The following SHISA9 variants were observed in gnomAD, a reference collection of about 807,000 sequenced individuals.
SHISA9 encodes the protein shisa family member 9, also known as protein shisa-9.
Under a neutral mutation model 38.0 loss-of-function variants are expected in SHISA9, and 13 were observed. The ratio of observed to expected loss-of-function variants is 0.34; its 90% confidence interval spans 0.22 to 0.54. The LOEUF (loss-of-function observed/expected upper bound fraction) is 0.54, where lower values mean the gene tolerates loss of function less well. SHISA9 is among the 20% of genes least tolerant of loss of function. SHISA9 has a pLI of 0.91. For missense variants in SHISA9, 538 were observed against 575.8 expected (o/e 0.93, Z 0.67); for synonymous variants, 275 against 242.0 (o/e 1.14, Z -1.27).
chr16:13,401,601 G>A, the SHISA9 span, among the ~76,000 whole-genome samples: 2 of 152,170 alleles, frequency 1.3e-5, no homozygotes, highest in African/African-American at 4.8e-5. Flanking sequence ...TATAAGAAGA[G>A]AAAGAGACAC....
At chr16:13,294,231 A>G in the SHISA9 span, among the ~76,000 whole-genome samples, 1 of 152,328 alleles carries the variant, frequency 6.6e-6, no homozygotes, top group African/African-American at 2.4e-5. Flanking sequence ...GCTTAAGATA[A>G]CATCTATTAT....
rs1019460905 is a variant in SHISA9 at position 13,006,059 on chromosome 16, C to T, written c.691+89244C>T. ...GGCTACAGATGGGCAGTGAAGCATG[C>T]GCGCACGCACACACACACGCGCACA... On this transcript the variant is annotated intron_variant, in intron 2 of 4. Transcript: ENST00000558583. 2.6e-5 allele frequency among the ~76,000 whole-genome samples: 4 copies of T among 152,130 alleles called. No homozygotes were observed. In the East Asian group the frequency reaches 5.8e-4, roughly 22 times the overall value.
chr16:13,325,694 C>T, the SHISA9 span, among the ~76,000 whole-genome samples: 617 of 152,254 alleles, frequency 4.1e-3, 2 homozygotes, highest in Non-Finnish European at 5.2e-3. Context: ...AAGATGCAAT[C>T]CTTACGCCAT....
At chr16:13,532,548 C>CGTGTGTGT in the SHISA9 span, among the ~76,000 whole-genome samples, 3 of 80,668 alleles carry the variant, frequency 3.7e-5, no homozygotes, top group African/African-American at 5.4e-5. Context: ...ATACTATGTG[C>CGTGTGTGT]GTGTGTGTAT....
intron 2 of SHISA9, among the ~76,000 whole-genome samples, chr16:12,990,674 G>A (rs2072373113): frequency 6.6e-6 from 1 of 152,118 alleles, no homozygotes; most frequent in South Asian, 2.1e-4. Context: ...GATGGGGGGT[G>A]GTGCTATTGG....
the SHISA9 span, among the ~76,000 whole-genome samples, chr16:13,472,454 C>G: frequency 8.6e-6 from 1 of 116,176 alleles, no homozygotes; most frequent in African/African-American, 3.3e-5. Flanking sequence ...TGCCGTGGAA[C>G]AATCTCGGCT....
At chr16:13,477,441 C>G in the SHISA9 span, among the ~76,000 whole-genome samples, 1 of 152,188 alleles carries the variant, frequency 6.6e-6, no homozygotes, top group African/African-American at 2.4e-5. Flanking sequence ...TATAAAATCA[C>G]AGAGGCTTGA....
the SHISA9 span, among the ~76,000 whole-genome samples, chr16:13,251,185 A>G: frequency 6.6e-6 from 1 of 152,136 alleles, no homozygotes; most frequent in African/African-American, 2.4e-5. Context: ...GTGTGTGGAG[A>G]TGCAGCATCC....
intron 2 of SHISA9, among the ~76,000 whole-genome samples, chr16:12,961,837 T>C (rs2071915973): frequency 6.6e-6 from 1 of 152,172 alleles, no homozygotes; most frequent in Non-Finnish European, 1.5e-5. Context: ...GCCCTGCAGA[T>C]TGGGTGGCTG....
At chr16:12,909,757 A>G (rs1002988286) in intron 1 of SHISA9, 1 of 204,722 alleles carries the variant, frequency 4.9e-6, no homozygotes, top group Non-Finnish European at 8.6e-6. Context: ...TTTTTACATT[A>G]TGGTCTAAAA....
At chr16:13,464,403 C>T in the SHISA9 span, among the ~76,000 whole-genome samples, 5 of 152,292 alleles carry the variant, frequency 3.3e-5, no homozygotes, top group African/African-American at 9.6e-5. Context: ...CAGTCCAAAA[C>T]TTACAATCCT....
At chr16:13,264,590 C>T in the SHISA9 span, among the ~76,000 whole-genome samples, 1 of 152,136 alleles carries the variant, frequency 6.6e-6, no homozygotes, top group Non-Finnish European at 1.5e-5. Flanking sequence ...TAACTTCTTG[C>T]TAGTAGTTCT....
chr16:12,931,847 C>G (rs2071465375), intron 2 of SHISA9, among the ~76,000 whole-genome samples: 1 of 152,148 alleles, frequency 6.6e-6, no homozygotes, highest in Admixed American at 6.5e-5. Context: ...ATGAGGCATA[C>G]TCAGGGTAAA....
intron 2 of SHISA9, among the ~76,000 whole-genome samples, chr16:13,140,663 A>G (rs72784488): frequency 6.6e-6 from 1 of 152,342 alleles, no homozygotes; most frequent in Non-Finnish European, 1.5e-5. Context: ...CAGTTATCTC[A>G]TAATCTGTGT....
At chr16:13,311,696 T>C in the SHISA9 span, among the ~76,000 whole-genome samples, 1 of 152,200 alleles carries the variant, frequency 6.6e-6, no homozygotes, top group Non-Finnish European at 1.5e-5. Context: ...TAAATGGAGA[T>C]TGTTCTCGTT....
chr16:13,466,213 C>T, the SHISA9 span, among the ~76,000 whole-genome samples: 1 of 152,224 alleles, frequency 6.6e-6, no homozygotes, highest in Non-Finnish European at 1.5e-5. Context: ...GGAGTTAAGA[C>T]TGCCACGCGG....
chr16:13,234,974 C>G, intron 4 of SHISA9, 56 bp from the exon 5 acceptor site: 1 of 1,483,142 alleles, frequency 6.7e-7, no homozygotes, highest in South Asian at 1.4e-5. Context: ...CTCTCTCTCT[C>G]TCTCTCTCTC....
At chr16:13,122,574 A>C (rs1022399427) in intron 2 of SHISA9, among the ~76,000 whole-genome samples, 7 of 152,200 alleles carry the variant, frequency 4.6e-5, no homozygotes. Context: ...AGAGTTATTC[A>C]ACCCCAGTTT....
the SHISA9 span, among the ~76,000 whole-genome samples, chr16:13,368,192 G>A: frequency 6.6e-6 from 1 of 152,130 alleles, no homozygotes; most frequent in East Asian, 1.9e-4. Context: ...AGGAGAGGCT[G>A]AGTAGGTGAA....
Sources: allele counts gnomAD v4.1 joint callset (sites outside exome capture counted in the v4.1 genomes callset), GRCh38; gene constraint gnomAD v4.1.1; transcripts MANE v1.5; gene names NCBI Gene and HGNC (gene_info 2026-07-23, HGNC 2026-07-21).